GOLGA3: variants seen among roughly 807,000 people sequenced by gnomAD.
The protein encoded by GOLGA3 is golgin A3.
Under a neutral mutation model 169.4 loss-of-function variants are expected in GOLGA3, and 75 were observed. The observed-to-expected ratio is 0.44, with a 90% CI of 0.37 to 0.54. The LOEUF is 0.54. Among genes scored for constraint, GOLGA3 ranks in the 20% least tolerant of loss-of-function variants. The probability of loss-of-function intolerance (pLI) is 0.00; values close to 1 mark genes in which losing one functional copy is unlikely to be tolerated. For missense variants in GOLGA3, 1,899 were observed against 1,930.0 expected, an observed-to-expected ratio of 0.98 and a Z score of 0.30; for synonymous variants, 824 against 822.4, an observed-to-expected ratio of 1.00 and a Z score of -0.03.
Position 132,773,165 on chromosome 12 carries a change from T to A in GOLGA3, c.4437A>T (p.Pro1479=). 1 of 1,584,534 alleles carries A rather than the reference T, an allele frequency of 6.3e-7. No individual in the cohort carries two copies. Among genetic ancestry groups the A allele is most frequent in the Non-Finnish European group, 8.6e-7 (1 of 1,164,760 alleles). Reference sequence around the variant, plus strand: ...GACTGTGTCTCTGTGGGTCGCCGCGTGGGCCGGCGTGACCCCCCGGGGGCA... The same window carrying A: ...GACTGTGTCTCTGTGGGTCGCCGCGAGGGCCGGCGTGACCCCCCGGGGGCA... ...SPVPPGGHAG[P]RGDPQRHSQS... The change falls in exon 24 of 24, where the codon CCA becomes CCT. Residue 1479 remains proline (P), a synonymous_variant. Coordinates refer to ENST00000450791, the MANE Select transcript of GOLGA3 (RefSeq NM_001389683.1).
chr12:132,801,019 G>A (rs967666084), intron 8 of GOLGA3, among the ~76,000 whole-genome samples: 2 of 152,354 alleles, frequency 1.3e-5, no homozygotes, highest in South Asian at 4.1e-4. Context: ...GCATCTCTGA[G>A]GTCATCCTAA....
intron 12 of GOLGA3, among the ~76,000 whole-genome samples, chr12:132,790,323 G>C (rs1484758506): frequency 6.6e-6 from 1 of 152,148 alleles, no homozygotes. Flanking sequence ...TACAGAGCGA[G>C]ACTTCATCTC....
In GOLGA3 at chr12:132,776,053, G is replaced by A. The variant is rs144931499; in HGVS notation, c.3978+581C>T. Among the ~76,000 whole-genome samples the A allele has an allele frequency of 5.0e-3, 756 of 152,270 alleles. 5 individuals are homozygous for A. Among genetic ancestry groups the A allele is most frequent in the African/African-American group, 0.017 (702 of 41,514 alleles). The stretch of plus-strand genomic sequence containing the variant: ...TGCGAGCGCCCCACTGGACGAGGGC[G>A]CCAGCTCCCCGGGAGCACTGCCTGG... On this transcript the variant is annotated intron_variant, in intron 21 of 23. Coordinates refer to ENST00000450791, the MANE Select transcript of GOLGA3 (RefSeq NM_001389683.1).
chr12:132,780,984 G>C (rs1255206124), intron 17 of GOLGA3, 70 bp from the exon 18 acceptor site: 14 of 1,169,956 alleles, frequency 1.2e-5, no homozygotes, highest in Non-Finnish European at 1.8e-5. Flanking sequence ...TGCTACAGCA[G>C]GCAACGTGAC....
At position 132,804,012 on chromosome 12, in the gene GOLGA3, T is replaced by C. The variant is rs1443839649; in HGVS notation, c.1597+704A>G. ...AGTCTTCTCCGTGTCTGCTGGGCACTGGAGTGTGAGCTCTGGGACTGGCCC... is the reference window on the plus strand; with the variant it reads ...AGTCTTCTCCGTGTCTGCTGGGCACCGGAGTGTGAGCTCTGGGACTGGCCC... On this transcript the variant is annotated intron_variant, in intron 7 of 23. Transcript: ENST00000450791. This position sits in a 1 kb window ranked among gnomAD's most constrained non-coding sequence, Gnocchi z 4.1. Among the ~76,000 whole-genome samples, 1 of 152,202 alleles carries C rather than the reference T, an allele frequency of 6.6e-6. No homozygotes were observed. The highest frequency in any genetic ancestry group is 1.9e-4 in the East Asian group (1 of 5,194).
chr12:132,810,837 G>A (rs546034511), intron 4 of GOLGA3, among the ~76,000 whole-genome samples: 5 of 152,302 alleles, frequency 3.3e-5, no homozygotes, highest in East Asian at 3.9e-4. Flanking sequence ...ACAGTTATCC[G>A]GAGGCCTAAC....
chr12:132,792,643 G>GACCGC (rs1948592835), intron 11 of GOLGA3, among the ~76,000 whole-genome samples: 1 of 103,854 alleles, frequency 9.6e-6, no homozygotes, highest in African/African-American at 3.6e-5. Flanking sequence ...CACACAGACC[G>GACCGC]ACCGCACGGG....
intron 22 of GOLGA3, 196 bp from the exon 23 acceptor site, chr12:132,774,516 A>G: frequency 3.2e-6 from 2 of 618,904 alleles, no homozygotes; most frequent in South Asian, 3.9e-5. Context: ...AAACACCTTT[A>G]TTCCTAAGGC....
In GOLGA3 at chr12:132,825,574, A is replaced by G. The variant is rs1950377159; in HGVS notation, c.-184+3229T>C. On this transcript the variant is annotated intron_variant, in intron 1 of 23. Transcript: ENST00000450791. ...TTAAGTATTTGAATCCTGGAGCATC[A>G]ACACTGCCTTTTAAAATACAGCAAA... 2.4e-5 allele frequency: 15 copies of G among 618,438 alleles called. 1 individual carries two copies. The East Asian group carries it at 4.1e-4, about 17-fold the overall frequency. 38.3% of individuals were successfully genotyped at this position (618,438 alleles called of 1,614,324 possible).
Position 132,777,046 on chromosome 12 carries a change from G to C in GOLGA3, c.3767C>G (p.Ala1256Gly), listed in dbSNP as rs1281873036. 3 of 1,609,596 alleles carry C rather than the reference G, an allele frequency of 1.9e-6. No individual in the cohort carries two copies. The East Asian group carries it at 6.7e-5, about 36-fold the overall frequency. Residue 1256 changes from alanine to glycine, a missense_variant, in exon 20 of 24, where the codon GCA becomes GGA. Ala to Gly is a moderately conservative substitution (Grantham distance 60). Coordinates refer to ENST00000450791, the MANE Select transcript of GOLGA3 (RefSeq NM_001389683.1). The surrounding 1 kb of genome is among the most constrained non-coding windows in gnomAD (Gnocchi z 4.7). ...CTGTGCCCGGGCCTCGGCCAGCTCT[G>C]CTTGGAACTGTGCTATCTCCTGGGA... ...KHSQEIAQFQ[A>G]ELAEARAQLQ...
chr12:132,796,499 C>T (rs1175937811), intron 10 of GOLGA3, 40 bp downstream of exon 10: 1 of 1,583,456 alleles, frequency 6.3e-7, no homozygotes, highest in Admixed American at 1.7e-5. Context: ...TCGGGATCAC[C>T]TGGGGCCTGG....
intron 8 of GOLGA3, 57 bp from the exon 9 acceptor site, chr12:132,798,534 A>C (rs999978755): frequency 1.0e-4 from 160 of 1,532,862 alleles, no homozygotes; most frequent in East Asian, 1.6e-4. Flanking sequence ...AGAAATGCAG[A>C]CCAGCCTGTC....
At chr12:132,802,724 CCATGAAA>C (rs1313529252) in intron 7 of GOLGA3, among the ~76,000 whole-genome samples, 2 of 152,136 alleles carry the variant, frequency 1.3e-5, no homozygotes, top group Admixed American at 1.3e-4. Flanking sequence ...TACATCTTCT[CCATGAAA>C]CACCTCACAT....
chr12:132,786,873 A>G, intron 13 of GOLGA3, 86 bp from the exon 14 acceptor site: 1 of 925,338 alleles, frequency 1.1e-6, no homozygotes, highest in Non-Finnish European at 1.8e-6. Flanking sequence ...CACCCCCACC[A>G]AAGGCACTGC....
At chr12:132,803,566 A>C (rs1949235685) in intron 7 of GOLGA3, among the ~76,000 whole-genome samples, 1 of 152,210 alleles carries the variant, frequency 6.6e-6, no homozygotes, top group Non-Finnish European at 1.5e-5. Context: ...TTTAGTGTTG[A>C]GAACTTTTTG....
chr12:132,794,009 C>T (rs965081046), intron 11 of GOLGA3, among the ~76,000 whole-genome samples: 3 of 152,188 alleles, frequency 2.0e-5, no homozygotes, highest in African/African-American at 7.2e-5. Context: ...ATATGGAGGG[C>T]GGTCCCTCAG....
At position 132,816,910 on chromosome 12, in the gene GOLGA3, C is replaced by T. The variant is rs1442018721; in HGVS notation, c.134-98G>A. 3 of 1,079,848 alleles carry T rather than the reference C, an allele frequency of 2.8e-6. No individual in the cohort carries two copies. In the African/African-American group the frequency reaches 4.8e-5, roughly 17 times the overall value. The allele number at this position is 1,079,848 out of a possible 1,614,324, so 66.9% of individuals were successfully genotyped here. On this transcript the variant is annotated intron_variant, in intron 2 of 23. Coordinates refer to ENST00000450791, the MANE Select transcript of GOLGA3 (RefSeq NM_001389683.1). ...GGAGTAGGAGAGAAGAGGATCCAGA[C>T]TCATGAGCACGGCACTTTCTCATCC...
rs761216719 is a variant in GOLGA3 at position 132,773,166 on chromosome 12, G to A, written c.4436C>T (p.Pro1479Leu). The A allele has an allele frequency of 1.3e-6, 2 of 1,584,918 alleles. No homozygotes were observed. The highest frequency in any genetic ancestry group is 2.3e-5 in the South Asian group (2 of 87,482). Residue 1479 changes from proline (P) to leucine (L), a missense_variant, in exon 24 of 24, where the codon CCA becomes CTA. Pro to Leu is a moderately conservative substitution (Grantham distance 98). Transcript: ENST00000450791. ...SPVPPGGHAG[P>L]RGDPQRHSQS... Reference sequence around the variant, plus strand: ...ACTGTGTCTCTGTGGGTCGCCGCGTGGGCCGGCGTGACCCCCCGGGGGCAC... The same window carrying A: ...ACTGTGTCTCTGTGGGTCGCCGCGTAGGCCGGCGTGACCCCCCGGGGGCAC...
Position 132,816,605 on chromosome 12 carries a change from C to T in GOLGA3, c.341G>A (p.Gly114Asp). The change falls in exon 3 of 24, where the codon GGC (glycine) becomes GAC (aspartate). Residue 114 changes from glycine to aspartate, a missense_variant. Transcript: ENST00000450791. ...CTGCAAAGCTTCTTTTCTAACACTG[C>T]CCTCAGCACTAGTTCCCTGAGACTT... is the stretch of plus-strand genomic sequence containing the variant. ...LRKSQGTSAE[G>D]SVRKEALQSL... The T allele has an allele frequency of 6.2e-7, 1 of 1,614,008 alleles. No individual in the cohort carries two copies. The highest frequency in any genetic ancestry group is 8.5e-7 in the Non-Finnish European group (1 of 1,179,872).
Sources: gnomAD v4.1 joint callset for allele counts (sites outside exome capture counted in the v4.1 genomes callset) on GRCh38, gnomAD v4.1.1 for gene constraint, Gnocchi (gnomAD v3.1) non-coding constraint, MANE v1.5 for transcripts, NCBI Gene and HGNC (gene_info 2026-07-23, HGNC 2026-07-21) for gene names.